The following GSDME variants were observed in gnomAD, a reference collection of about 807,000 sequenced individuals.
The protein encoded by GSDME is gasdermin E, also known as gasdermin-E.
In GSDME, 44 loss-of-function variants were observed where a neutral mutation model predicts 47.5. The observed-to-expected ratio is 0.93, with a 90% CI of 0.73 to 1.19. The LOEUF is 1.19. Among genes scored for constraint, GSDME ranks in the 50% most tolerant of loss-of-function variants. The probability of loss-of-function intolerance (pLI) is 0.00; values close to 1 mark genes in which losing one functional copy is unlikely to be tolerated. For missense variants in GSDME, 663 were observed against 604.2 expected (o/e 1.10, Z -1.02); for synonymous variants, 258 against 252.8 (o/e 1.02, Z -0.20).
chr7:24,789,316 AC>A, the GSDME span, among the ~76,000 whole-genome samples: 808 of 151,550 alleles, frequency 5.3e-3, 12 homozygotes, highest in African/African-American at 0.019. Flanking sequence ...CACAGACAAA[AC>A]CCCCCAGACA....
intron 3 of GSDME, among the ~76,000 whole-genome samples, chr7:24,719,477 C>T (rs535724967): frequency 3.3e-5 from 5 of 152,218 alleles, no homozygotes; most frequent in East Asian, 1.9e-4. Context: ...ACAGCAGCGC[C>T]GGTTGTCAAG....
At position 24,708,289 on chromosome 7, in the gene GSDME, G is replaced by A. The variant is rs373868030; in HGVS notation, c.863-35C>T. The A allele has an allele frequency of 9.9e-6, 16 of 1,613,162 alleles. 1 individual carries two copies. In the African/African-American group the frequency reaches 1.7e-4, roughly 17 times the overall value. ...CAAAGCACACCCAAGTCTCATGACT[G>A]CGATGCACATCTCACGACGTCGGAC... is the stretch of plus-strand genomic sequence containing the variant. On this transcript the variant is annotated intron_variant, in intron 6 of 9. Transcript: ENST00000645220.
intron 1 of GSDME, among the ~76,000 whole-genome samples, chr7:24,752,937 T>C (rs2128067270): frequency 6.6e-6 from 1 of 150,830 alleles, no homozygotes; most frequent in East Asian, 1.9e-4. Flanking sequence ...ACACCAATCC[T>C]CCCCCACAGG....
chr7:24,702,116 T>C (rs1788893732), intron 9 of GSDME, among the ~76,000 whole-genome samples: 1 of 152,246 alleles, frequency 6.6e-6, no homozygotes. Context: ...CTGCAAAAGC[T>C]ACACAAGACT....
At position 24,744,984 on chromosome 7, in the gene GSDME, CGTGTGTGTG is replaced by C. The variant is rs1180414182; in HGVS notation, c.212-239_212-231del. On this transcript the variant is annotated intron_variant, in intron 2 of 9. Transcript: ENST00000645220. The surrounding 1 kb of genome is among the most constrained non-coding windows in gnomAD (Gnocchi z 4.5). ...GGGCACACAGTGGACCAGTGCAGCA[CGTGTGTGTG>C]TGTGTGTGTGTGTGTGTGTGTGTGT... 4.7e-4 allele frequency among the ~76,000 whole-genome samples: 56 copies of C among 119,068 alleles called. No individual in the cohort carries two copies. The highest frequency in any genetic ancestry group is 1.7e-3 in the African/African-American group (56 of 32,250). 78.1% of individuals were successfully genotyped at this position (119,068 alleles called of 152,430 possible).
At chr7:24,767,188 G>T in the GSDME span, among the ~76,000 whole-genome samples, 3 of 152,120 alleles carry the variant, frequency 2.0e-5, no homozygotes, top group Admixed American at 6.6e-5. This position sits in a 1 kb window ranked among gnomAD's most constrained non-coding sequence, Gnocchi z 5.3. Context: ...GCCAGGCGTG[G>T]TGGTGGGCAC....
At chr7:24,699,745 T>G (rs1267605459) in intron 9 of GSDME, among the ~76,000 whole-genome samples, 1 of 152,194 alleles carries the variant, frequency 6.6e-6, no homozygotes, top group Non-Finnish European at 1.5e-5. Context: ...TCTATCCAAT[T>G]TGTCTAGTGT....
the GSDME span, among the ~76,000 whole-genome samples, chr7:24,775,504 G>A: frequency 1.3e-5 from 2 of 152,190 alleles, no homozygotes; most frequent in African/African-American, 4.8e-5. Flanking sequence ...AAGCTTGCAA[G>A]GAGCTGCTGG....
the GSDME span, among the ~76,000 whole-genome samples, chr7:24,778,383 G>C: frequency 1.3e-5 from 2 of 152,136 alleles, no homozygotes; most frequent in Non-Finnish European, 2.9e-5. This position sits in a 1 kb window ranked among gnomAD's most constrained non-coding sequence, Gnocchi z 5.6. Context: ...AGTCATCAAA[G>C]ATCTTTAGAC....
intron 7 of GSDME, chr7:24,707,897 T>G: frequency 1.7e-6 from 1 of 586,186 alleles, no homozygotes; most frequent in Non-Finnish European, 3.0e-6. Context: ...AAATTCCTGG[T>G]TTTTTAAGCC....
intron 9 of GSDME, among the ~76,000 whole-genome samples, chr7:24,701,919 T>C (rs1465782239): frequency 2.6e-5 from 4 of 152,210 alleles, no homozygotes; most frequent in Admixed American, 6.5e-5. Flanking sequence ...CCAGAGTAGA[T>C]GTATACCAAA....
chr7:24,707,400 C>T (rs1281382737), intron 7 of GSDME: 1 of 471,532 alleles, frequency 2.1e-6, no homozygotes, highest in Non-Finnish European at 4.4e-6. Flanking sequence ...AGTTAAGGAA[C>T]TTGACCTCCC....
chr7:24,765,512 A>G, the GSDME span, among the ~76,000 whole-genome samples: 2 of 152,204 alleles, frequency 1.3e-5, no homozygotes, highest in African/African-American at 4.8e-5. Context: ...GCTCAACCCA[A>G]TGTTGAAATA....
rs1052883116 is a variant in GSDME at position 24,735,507 on chromosome 7, A to C, written c.404+9055T>G. Among the ~76,000 whole-genome samples, 2 of 152,166 alleles carry C rather than the reference A, an allele frequency of 1.3e-5. No homozygotes were observed. The highest frequency in any genetic ancestry group is 4.8e-5 in the African/African-American group (2 of 41,450). On this transcript the variant is annotated intron_variant, in intron 3 of 9. Transcript: ENST00000645220. The surrounding 1 kb of genome is among the most constrained non-coding windows in gnomAD (Gnocchi z 4.4). ...CACAGTGGCTCACGCCTGTAATCCC[A>C]GCAGTTTGGGAGGCCGAGGTGGGTG...
Position 24,716,111 on chromosome 7 carries a change from C to T in GSDME, c.697+1143G>A, listed in dbSNP as rs1789543249. On this transcript the variant is annotated intron_variant, in intron 5 of 9. Coordinates refer to ENST00000645220, the MANE Select transcript of GSDME (RefSeq NM_001127453.2). The surrounding 1 kb of genome is among the most constrained non-coding windows in gnomAD (Gnocchi z 4.5). ...GAGACTGCCCCCCACCCGCCTTCCACAAATGGGGGAGAAGCAGGAGGCAGC... is the reference window on the plus strand; with the variant it reads ...GAGACTGCCCCCCACCCGCCTTCCATAAATGGGGGAGAAGCAGGAGGCAGC... 6.6e-6 allele frequency among the ~76,000 whole-genome samples: 1 copy of T among 152,202 alleles called. No individual in the cohort carries two copies. The highest frequency in any genetic ancestry group is 2.4e-5 in the African/African-American group (1 of 41,444).
In GSDME at chr7:24,716,515, C is replaced by T. The variant is rs1789559955; in HGVS notation, c.697+739G>A. The T allele has an allele frequency of 6.5e-6, 1 of 152,996 alleles. No homozygotes were observed. Among genetic ancestry groups the T allele is most frequent in the African/African-American group, 2.4e-5 (1 of 41,446 alleles). The allele number at this position is 152,996 out of a possible 1,614,324, so 9.5% of individuals were successfully genotyped here. ...ATGTCCCTAAGGAGCGGTCACACAG[C>T]TTTCATGAGTGAACACAACCTCTTC... is the stretch of plus-strand genomic sequence containing the variant. On this transcript the variant is annotated intron_variant, in intron 5 of 9. Transcript: ENST00000645220. This position sits in a 1 kb window ranked among gnomAD's most constrained non-coding sequence, Gnocchi z 4.5.
chr7:24,794,278 TTCCTCTCTCTCTCTTTCTC>T, the GSDME span, among the ~76,000 whole-genome samples: 1 of 127,042 alleles, frequency 7.9e-6, no homozygotes, highest in Non-Finnish European at 1.6e-5. Context: ...CTCTCTCTCT[TTCCTCTCTCTCTCTTTCTC>T]TCCTCTCTCT....
At chr7:24,782,488 C>T in the GSDME span, among the ~76,000 whole-genome samples, 1 of 152,090 alleles carries the variant, frequency 6.6e-6, no homozygotes, top group South Asian at 2.1e-4. Flanking sequence ...TGGGTTGGTT[C>T]CAAGTCTTTG....
Position 24,714,949 on chromosome 7 carries a change from G to A in GSDME, c.697+2305C>T, listed in dbSNP as rs930928550. ...GCATCCTTCACTACAGCCAAGATAC[G>A]GAAATAATGTAACTGTCTGTTGATG... On this transcript the variant is annotated intron_variant, in intron 5 of 9. Transcript: ENST00000645220. The surrounding 1 kb of genome is among the most constrained non-coding windows in gnomAD (Gnocchi z 5.0). Among the ~76,000 whole-genome samples the A allele has an allele frequency of 7.2e-5, 11 of 152,162 alleles. No homozygotes were observed. Among genetic ancestry groups the A allele is most frequent in the East Asian group, 1.9e-4 (1 of 5,198 alleles).
Sources: gnomAD v4.1 joint callset for allele counts (sites outside exome capture counted in the v4.1 genomes callset) on GRCh38, gnomAD v4.1.1 for gene constraint, Gnocchi (gnomAD v3.1) non-coding constraint, MANE v1.5 for transcripts, NCBI Gene and HGNC (gene_info 2026-07-23, HGNC 2026-07-21) for gene names.